The following IL15 variants were observed in gnomAD, a reference collection of about 807,000 sequenced individuals.
The protein encoded by IL15 is interleukin 15, also known as interleukin-15.
A neutral mutation model predicts 19.6 loss-of-function variants in IL15; 11 were observed. That is an observed-to-expected ratio of 0.56 (90% CI 0.35 to 0.93). IL15 has a LOEUF of 0.93. IL15 is among the 40% of genes least tolerant of loss of function. The pLI, the probability that IL15 is intolerant of heterozygous loss-of-function variation, is 0.01. For synonymous variants in IL15, 58 were observed against 59.6 expected (o/e 0.97, Z 0.12); for missense variants, 197 against 186.5 (o/e 1.06, Z -0.33).
At chr4:141,708,011 C>A (rs981282615) in intron 2 of IL15, among the ~76,000 whole-genome samples, 1 of 152,188 alleles carries the variant, frequency 6.6e-6, no homozygotes, top group African/African-American at 2.4e-5. Flanking sequence ...TGTCGGGCTG[C>A]ATGTGAATGT....
intron 2 of IL15, among the ~76,000 whole-genome samples, chr4:141,708,102 G>A (rs1442942353): frequency 6.6e-6 from 1 of 152,186 alleles, no homozygotes; most frequent in Non-Finnish European, 1.5e-5. Context: ...GCCAGGCTGG[G>A]TGCAGGCACA....
At chr4:141,650,671 GA>G (rs896526243) in intron 1 of IL15, among the ~76,000 whole-genome samples, 3 of 152,006 alleles carry the variant, frequency 2.0e-5, no homozygotes, top group Non-Finnish European at 4.4e-5. Context: ...TTAGACCAGA[GA>G]AAATCCCTTT....
At chr4:141,690,043 C>T (rs796421164) in intron 2 of IL15, among the ~76,000 whole-genome samples, 228 of 152,188 alleles carry the variant, frequency 1.5e-3, no homozygotes, top group African/African-American at 5.1e-3. Flanking sequence ...TCGAGCACAG[C>T]GCTGGTGGGC....
chr4:141,707,242 C>G (rs1729547657), intron 2 of IL15, among the ~76,000 whole-genome samples: 2 of 152,042 alleles, frequency 1.3e-5, no homozygotes, highest in South Asian at 4.1e-4. Flanking sequence ...AATTTTTCAG[C>G]TCCCAGATTT....
chr4:141,703,466 G>T (rs1729397025), intron 2 of IL15, among the ~76,000 whole-genome samples: 1 of 152,168 alleles, frequency 6.6e-6, no homozygotes, highest in South Asian at 2.1e-4. Context: ...TCCTGCGACT[G>T]CTTCTACTTT....
intron 2 of IL15, among the ~76,000 whole-genome samples, chr4:141,696,879 T>C (rs1729115363): frequency 6.6e-6 from 1 of 152,116 alleles, no homozygotes; most frequent in Non-Finnish European, 1.5e-5. Context: ...TTCTTGCTGA[T>C]TTATTTGAGG....
At chr4:141,650,947 T>A (rs550075994) in intron 1 of IL15, among the ~76,000 whole-genome samples, 18 of 152,126 alleles carry the variant, frequency 1.2e-4, no homozygotes, top group African/African-American at 4.3e-4. Flanking sequence ...ATGGTTCTGG[T>A]AAGATTAGGA....
intron 1 of IL15, among the ~76,000 whole-genome samples, chr4:141,650,167 C>T (rs1436328271): frequency 6.6e-6 from 1 of 151,996 alleles, no homozygotes; most frequent in East Asian, 1.9e-4. Flanking sequence ...GATAATTGAA[C>T]TACAGTGAGC....
At chr4:141,726,203 G>A (rs776372276) in intron 5 of IL15, among the ~76,000 whole-genome samples, 2 of 151,978 alleles carry the variant, frequency 1.3e-5, no homozygotes, top group South Asian at 2.1e-4. Flanking sequence ...TGGAAGTTTA[G>A]CCAAATTATG....
intron 5 of IL15, among the ~76,000 whole-genome samples, chr4:141,722,854 TATATAACTGAAA>T (rs1489731624): frequency 6.6e-6 from 1 of 152,038 alleles, no homozygotes; most frequent in Non-Finnish European, 1.5e-5. Flanking sequence ...ATATAGAAAT[TATATAACTGAAA>T]ATATAACTGA....
intron 2 of IL15, among the ~76,000 whole-genome samples, chr4:141,713,053 T>C (rs1436560575): frequency 6.6e-6 from 1 of 152,152 alleles, no homozygotes; most frequent in Non-Finnish European, 1.5e-5. Context: ...TTAAAAATCA[T>C]TATAGTAACC....
chr4:141,646,513 C>T (rs1727229630), intron 1 of IL15, among the ~76,000 whole-genome samples: 1 of 152,064 alleles, frequency 6.6e-6, no homozygotes, highest in Admixed American at 6.6e-5. Flanking sequence ...TAATCCTTGA[C>T]TGATGTACTT....
rs970988902 is a variant in IL15 at position 141,670,847 on chromosome 4, T to C, written c.-100+14540T>C. On this transcript the variant is annotated intron_variant, in intron 2 of 7. Coordinates refer to ENST00000320650, the MANE Select transcript of IL15 (RefSeq NM_000585.5). Reference sequence around the variant, plus strand: ...AAACATTGGCAAATTGGAGCTTACATAGAAAGACACATTCAGGAATATAAC... The same window carrying C: ...AAACATTGGCAAATTGGAGCTTACACAGAAAGACACATTCAGGAATATAAC... Among the ~76,000 whole-genome samples, 5 of 152,152 alleles carry C rather than the reference T, an allele frequency of 3.3e-5. 1 individual carries two copies. In the South Asian group the frequency reaches 6.2e-4, roughly 19 times the overall value.
chr4:141,665,921 A>C (rs530750208), intron 2 of IL15, among the ~76,000 whole-genome samples: 1 of 152,142 alleles, frequency 6.6e-6, no homozygotes, highest in South Asian at 2.1e-4. Flanking sequence ...GTCTTTTGTT[A>C]AAGTATTTAG....
intron 2 of IL15, among the ~76,000 whole-genome samples, chr4:141,712,445 A>C (rs1729743450): frequency 6.6e-6 from 1 of 152,002 alleles, no homozygotes; most frequent in Non-Finnish European, 1.5e-5. Context: ...ACCAAGTGAC[A>C]ATAGCCCATG....
intron 5 of IL15, among the ~76,000 whole-genome samples, chr4:141,722,606 T>TG (rs1384267069): frequency 6.6e-6 from 1 of 152,076 alleles, no homozygotes; most frequent in African/African-American, 2.4e-5. Context: ...ATAATAGACA[T>TG]GAAGCCAAGA....
intron 5 of IL15, among the ~76,000 whole-genome samples, chr4:141,727,326 T>A (rs928848792): frequency 6.6e-6 from 1 of 151,404 alleles, no homozygotes. Context: ...AGTTTTTCTG[T>A]AAACCTAAAT....
chr4:141,729,966 C>A lies in IL15; in HGVS notation c.360C>A (p.Asn120Lys). Reference protein sequence around the residue: ...TVENLIILANNSLSSNGNVTE... With the variant: ...TVENLIILANKSLSSNGNVTE... ...AAAATCTGATCATCCTAGCAAACAA[C>A]AGTTTGTCTTCTAATGGGGTGAGTT... is the stretch of plus-strand genomic sequence containing the variant. The change falls in exon 7 of 8, where the codon AAC (asparagine) becomes AAA (lysine). Residue 120 changes from asparagine to lysine, a missense_variant. Asn to Lys is a moderately conservative substitution (Grantham distance 94, BLOSUM62 0). Coordinates refer to ENST00000320650, the MANE Select transcript of IL15 (RefSeq NM_000585.5). The A allele has an allele frequency of 6.2e-7, 1 of 1,609,170 alleles. No individual in the cohort carries two copies. Among genetic ancestry groups the A allele is most frequent in the Non-Finnish European group, 8.5e-7 (1 of 1,175,806 alleles).
chr4:141,710,673 CTCTT>C (rs1729688215), intron 2 of IL15, among the ~76,000 whole-genome samples: 1 of 151,948 alleles, frequency 6.6e-6, no homozygotes, highest in African/African-American at 2.4e-5. Context: ...TTTTTCTTCT[CTCTT>C]TCTGCCTGTC....
Sources: gnomAD v4.1 joint callset for allele counts (sites outside exome capture counted in the v4.1 genomes callset) on GRCh38, gnomAD v4.1.1 for gene constraint, MANE v1.5 for transcripts, NCBI Gene and HGNC (gene_info 2026-07-23, HGNC 2026-07-21) for gene names.